MACF1: variants seen among roughly 807,000 people sequenced by gnomAD.
MACF1 encodes the protein microtubule-actin cross-linking factor 1.
A neutral mutation model predicts 854.8 loss-of-function variants in MACF1; 193 were observed. The observed-to-expected ratio is 0.23, with a 90% confidence interval of 0.20 to 0.25. The LOEUF is 0.25. Among genes scored for constraint, MACF1 ranks in the 10% least tolerant of loss-of-function variants. The probability of loss-of-function intolerance (pLI) is 1.00; values close to 1 mark genes in which losing one functional copy is unlikely to be tolerated. For synonymous variants in MACF1, 3,185 were observed against 3,226.7 expected (o/e 0.99, Z 0.44); for missense variants, 7,722 against 8,929.1 (o/e 0.86, Z 5.45).
chr1:39,300,066 G>C (rs1194099343), intron 21 of MACF1, 144 bp from the exon 22 acceptor site: 1 of 784,244 alleles, frequency 1.3e-6, no homozygotes, highest in Non-Finnish European at 2.0e-6. Context: ...CATTGTCTAA[G>C]TCTTTAAGAT....
intron 1 of MACF1, among the ~76,000 whole-genome samples, chr1:39,219,525 C>G (rs1395458163): frequency 1.3e-5 from 2 of 152,142 alleles, no homozygotes; most frequent in African/African-American, 4.8e-5. Context: ...CCAAAGTAGA[C>G]TTTTGTAGCC....
Position 39,442,043 on chromosome 1 carries a change from A to C in MACF1, c.18764A>C (p.Asn6255Thr). The C allele has an allele frequency of 1.9e-6, 3 of 1,612,158 alleles. No individual in the cohort carries two copies. Among genetic ancestry groups the C allele is most frequent in the Non-Finnish European group, 2.5e-6 (3 of 1,179,508 alleles). ...TDLNTVKDQL[N>T]EMKEFKVEVY... ...CTCAATACTGTTAAAGATCAGTTAA[A>C]TGAAATGAAGGTTTGTATCTGGGTA... The change falls in exon 75 of 101, where the codon AAT becomes ACT. Residue 6255 changes from asparagine to threonine, a missense_variant. Coordinates refer to ENST00000564288, the MANE Select transcript of MACF1 (RefSeq NM_001394062.1).
chr1:39,254,213 T>G (rs1645073447), intron 4 of MACF1, 85 bp from the exon 5 acceptor site: 4 of 1,145,434 alleles, frequency 3.5e-6, no homozygotes, highest in Non-Finnish European at 3.9e-6. Context: ...TGTGTGGTCC[T>G]TTAGTCCTGG....
In MACF1 at chr1:39,309,628, A is replaced by G. The variant is rs1487983552; in HGVS notation, c.2848A>G (p.Lys950Glu). 6.2e-7 allele frequency: 1 copy of G among 1,614,150 alleles called. No homozygotes were observed. Among genetic ancestry groups the G allele is most frequent in the South Asian group, 1.1e-5 (1 of 91,084 alleles). The stretch of plus-strand genomic sequence containing the variant: ...TTGGCATCAGCTGCATGTTAACACC[A>G]AAAGCCTTATCTCTTGGAACTATCT... ...ALWHQLHVNT[K>E]SLISWNYLRK... The change falls in exon 24 of 101, where the codon AAA (lysine) becomes GAA (glutamate). Residue 950 changes from lysine (K) to glutamate (E), a missense_variant. By Grantham distance (56) the Lys-to-Glu change is moderately conservative. Transcript: ENST00000564288.
Position 39,485,771 on chromosome 1 carries a change from A to G in MACF1, c.22645A>G (p.Arg7549Gly). The change falls in exon 101 of 101, where the codon AGG (arginine) becomes GGG (glycine). Residue 7549 changes from arginine (R) to glycine (G), a missense_variant. Coordinates refer to ENST00000564288, the MANE Select transcript of MACF1 (RefSeq NM_001394062.1). ...TAAGAAGACCACCACTGCCTCCCCC[A>G]GGACTCCAGGTCCCAAGCGATAACA... Reference protein sequence around the residue: ...MSKKTTTASPRTPGPKR With the variant: ...MSKKTTTASPGTPGPKR 2 of 1,608,186 alleles carry G rather than the reference A, an allele frequency of 1.2e-6. No homozygotes were observed. The highest frequency in any genetic ancestry group is 1.1e-5 in the South Asian group (1 of 90,646).
At chr1:39,435,854 CCAGAG>C in intron 70 of MACF1, 93 bp downstream of exon 70, 1 of 1,116,152 alleles carries the variant, frequency 9.0e-7, no homozygotes, top group South Asian at 1.5e-5. Context: ...TCAGGAATGT[CCAGAG>C]CAGCATGTTA....
chr1:39,324,249 C>T lies in MACF1; in HGVS notation c.4293C>T (p.Gly1431=). 6.2e-7 allele frequency: 1 copy of T among 1,613,310 alleles called. No homozygotes were observed. Among genetic ancestry groups the T allele is most frequent in the South Asian group, 1.1e-5 (1 of 91,000 alleles). ...EHVEKVKELL[G]WVSTLARNTQ... ...TGGAGAAGGTTAAAGAACTTTTGGG[C>T]TGGGTGTCTACCCTAGCGAGGAATA... The change falls in exon 34 of 101, where the codon GGC becomes GGT. Residue 1431 remains glycine (G), a synonymous_variant. Transcript: ENST00000564288.
chr1:39,284,538 A>C (rs1015394982), intron 11 of MACF1, 110 bp downstream of exon 11: 1 of 613,066 alleles, frequency 1.6e-6, no homozygotes, highest in Non-Finnish European at 2.7e-6. Flanking sequence ...TAATAGAAGT[A>C]CTCTCCTGGT....
At chr1:39,374,166 C>T (rs1356978340) in intron 52 of MACF1, among the ~76,000 whole-genome samples, 3 of 152,072 alleles carry the variant, frequency 2.0e-5, no homozygotes, top group Admixed American at 1.3e-4. Flanking sequence ...TGCTTGAACC[C>T]GGGAGGCAGA....
intron 1 of MACF1, among the ~76,000 whole-genome samples, chr1:39,220,675 GAGGTTCCCCATATTGGCC>G (rs1048647345): frequency 2.0e-5 from 3 of 150,228 alleles, no homozygotes; most frequent in African/African-American, 7.4e-5. Flanking sequence ...GGGTAGAGTC[GAGGTTCCCCATATTGGCC>G]AGGCTGGTCT....
At chr1:39,485,436 T>G in intron 100 of MACF1, 102 bp from the exon 101 acceptor site, 1 of 1,323,420 alleles carries the variant, frequency 7.6e-7, no homozygotes, top group Non-Finnish European at 1.0e-6. Flanking sequence ...GGCTGTGAGA[T>G]TTGCTTAAGA....
At chr1:39,376,882 A>T (rs1557618233) in intron 52 of MACF1, among the ~76,000 whole-genome samples, 2 of 144,368 alleles carry the variant, frequency 1.4e-5, no homozygotes, top group Non-Finnish European at 3.1e-5. Context: ...TGCCTGACTA[A>T]TTTTTTTTTT....
At chr1:39,417,013 T>C (rs994153260) in intron 58 of MACF1, among the ~76,000 whole-genome samples, 6 of 152,250 alleles carry the variant, frequency 3.9e-5, no homozygotes, top group African/African-American at 1.4e-4. Context: ...GAGGTTAATT[T>C]TTTATTTCTT....
At chr1:39,327,048 T>C (rs1646628126) in intron 35 of MACF1, among the ~76,000 whole-genome samples, 170 bp from the exon 36 acceptor site, 1 of 152,108 alleles carries the variant, frequency 6.6e-6, no homozygotes, top group African/African-American at 2.4e-5. Flanking sequence ...TCAAGAACCA[T>C]GACTTGATTT....
At chr1:39,269,084 T>G (rs963445279) in intron 6 of MACF1, 1 of 1,289,560 alleles carries the variant, frequency 7.8e-7, no homozygotes, top group African/African-American at 1.5e-5. Context: ...AGTCATCAGT[T>G]GCTGGAGGGG....
At chr1:39,120,227 A>G (rs1321760987) in intron 2 of MACF1, among the ~76,000 whole-genome samples, 1 of 152,046 alleles carries the variant, frequency 6.6e-6, no homozygotes, top group African/African-American at 2.4e-5. Context: ...ATTTCATAGA[A>G]TTTTAAAACT....
At chr1:39,359,309 A>G (rs768027864) in intron 47 of MACF1, 45 bp downstream of exon 47, 5 of 1,599,750 alleles carry the variant, frequency 3.1e-6, no homozygotes, top group Admixed American at 1.7e-5. Context: ...AATTCCTAGT[A>G]TGTACCTCTA....
chr1:39,422,494 A>C lies in MACF1; in HGVS notation c.15937A>C (p.Met5313Leu). Residue 5313 changes from methionine to leucine, a missense_variant, in exon 59 of 101, where the codon ATG becomes CTG. Physicochemically the swap from Met to Leu is conservative, Grantham distance 15. Transcript: ENST00000564288. ...DCDVQGLEHD[M>L]EEINARWNTL... ...TGATGTACAGGGTTTAGAACATGAC[A>C]TGGAAGAGATCAATGCTCGATGGAA... 1 of 1,614,058 alleles carries C rather than the reference A, an allele frequency of 6.2e-7. No individual in the cohort carries two copies. Among genetic ancestry groups the C allele is most frequent in the Non-Finnish European group, 8.5e-7 (1 of 1,179,992 alleles).
rs751338991 is a variant in MACF1 at position 39,334,608 on chromosome 1, A to G, written c.8020A>G (p.Lys2674Glu). 1.9e-5 allele frequency: 30 copies of G among 1,614,024 alleles called. No individual in the cohort carries two copies. Among genetic ancestry groups the G allele is most frequent in the Non-Finnish European group, 2.5e-5 (30 of 1,180,006 alleles). Reference protein sequence around the residue: ...LTLSQAIQLGKVDFASTLKVL... With the variant: ...LTLSQAIQLGEVDFASTLKVL... ...ATTGTCTCAAGCAATTCAGCTTGGA[A>G]AAGTAGACTTTGCATCTACGCTGAA... Residue 2674 changes from lysine to glutamate, a missense_variant, in exon 37 of 101, where the codon AAA becomes GAA. By Grantham distance (56) the Lys-to-Glu change is moderately conservative. Around this residue, in one of 15 missense-constraint regions of MACF1, gnomAD observed 1,531 missense variants for 1,601.6 expected, o/e 0.96. Transcript: ENST00000564288.
Sources: gnomAD v4.1 joint callset for allele counts (sites outside exome capture counted in the v4.1 genomes callset) on GRCh38, gnomAD v4.1.1 for gene constraint, gnomAD v4.1.1 regional missense constraint, MANE v1.5 for transcripts, NCBI Gene and HGNC (gene_info 2026-07-23, HGNC 2026-07-21) for gene names.